The following CXADR variants were observed in gnomAD, a reference collection of about 807,000 sequenced individuals.
CXADR encodes coxsackievirus and adenovirus receptor.
In CXADR, 20 loss-of-function variants were observed where a neutral mutation model predicts 40.3. The ratio of observed to expected loss-of-function variants is 0.50; its 90% confidence interval spans 0.35 to 0.72. The LOEUF is 0.72. Among genes scored for constraint, CXADR ranks in the 30% least tolerant of loss-of-function variants. The pLI is 0.01. For synonymous variants in CXADR, 150 were observed against 161.3 expected (o/e 0.93, Z 0.53); for missense variants, 332 against 449.1 (o/e 0.74, Z 2.36).
In CXADR at chr21:17,589,831, G is replaced by C. The variant is rs538747656; in HGVS notation, c.1018-3321G>C. On this transcript the variant is annotated intron_variant, in intron 7 of 7. Coordinates refer to the CXADR transcript ENST00000400169. ...CTTGATCAAGGGATATATACTTCAA[G>C]AAGGTGTAACTGCCCTCCTCTTTAA... Among the ~76,000 whole-genome samples the C allele has an allele frequency of 9.2e-5, 14 of 152,152 alleles. No homozygotes were observed. In the South Asian group the frequency reaches 2.5e-3, roughly 27 times the overall value.
At chr21:17,518,491 C>T in intron 1 of CXADR, 4 of 805,982 alleles carry the variant, frequency 5.0e-6, no homozygotes, top group South Asian at 1.4e-5. Context: ...CTGATTTGTT[C>T]AATCTAGTCC....
chr21:17,598,510 A>G (rs2061531968), downstream of CXADR: 2 of 914,862 alleles, frequency 2.2e-6, no homozygotes, highest in Non-Finnish European at 3.3e-6. Flanking sequence ...AAGAACTATT[A>G]TCCAGAATCT....
At chr21:17,612,786 C>G in the CXADR span, 1 of 152,236 alleles carries the variant, frequency 6.6e-6, no homozygotes, top group Non-Finnish European at 1.5e-5. Flanking sequence ...CTCAACGGGC[C>G]CGCGCTGGGC....
chr21:17,634,619 G>T, the CXADR span, among the ~76,000 whole-genome samples: 1 of 152,244 alleles, frequency 6.6e-6, no homozygotes, highest in South Asian at 2.1e-4. Flanking sequence ...AAATAATGGT[G>T]GTATTCCATG....
the CXADR span, among the ~76,000 whole-genome samples, chr21:17,602,220 C>A: frequency 1.3e-5 from 2 of 151,930 alleles, no homozygotes; most frequent in Non-Finnish European, 2.9e-5. Flanking sequence ...CTCAGAACTT[C>A]TCATCATAGG....
chr21:17,608,250 A>G, the CXADR span, among the ~76,000 whole-genome samples: 1 of 152,148 alleles, frequency 6.6e-6, no homozygotes, highest in Admixed American at 6.5e-5. Flanking sequence ...GCACATGTCT[A>G]TAATCCTAGC....
chr21:17,589,187 A>G (rs1380466869), intron 7 of CXADR, among the ~76,000 whole-genome samples: 6 of 152,052 alleles, frequency 3.9e-5, no homozygotes, highest in African/African-American at 1.2e-4. Context: ...GAAACTATGC[A>G]CTATTGCTAC....
the CXADR span, chr21:17,599,052 C>G: frequency 2.6e-6 from 1 of 388,706 alleles, no homozygotes; most frequent in East Asian, 3.8e-5. Flanking sequence ...ACCCCATTTT[C>G]TTTCCCTTAT....
At chr21:17,571,787 C>T (rs1456094230), downstream of CXADR, among the ~76,000 whole-genome samples, 3 of 152,120 alleles carry the variant, frequency 2.0e-5, no homozygotes, top group East Asian at 1.9e-4. Context: ...ATTAGGTTTT[C>T]CAAATTTGGG....
chr21:17,538,991 A>T (rs1456937194), intron 1 of CXADR, among the ~76,000 whole-genome samples: 1 of 152,190 alleles, frequency 6.6e-6, no homozygotes, highest in Non-Finnish European at 1.5e-5. Flanking sequence ...TTTGGAATGT[A>T]TTAAAGAGGA....
At position 17,582,334 on chromosome 21, in the gene CXADR, A is replaced by C. The variant is rs546639932; in HGVS notation, c.1018-10818A>C. 3.9e-5 allele frequency among the ~76,000 whole-genome samples: 6 copies of C among 152,220 alleles called. No individual in the cohort carries two copies. In the East Asian group the frequency reaches 9.7e-4, roughly 25 times the overall value. On this transcript the variant is annotated intron_variant, in intron 7 of 7. Coordinates refer to the CXADR transcript ENST00000400169. ...GCTGGAGGAGCTTTTAAATATTAAT[A>C]ATATTAGTTCTTTGTGATTTGACCC...
At chr21:17,570,304 G>A (rs996683537), downstream of CXADR, among the ~76,000 whole-genome samples, 4 of 152,104 alleles carry the variant, frequency 2.6e-5, no homozygotes, top group African/African-American at 9.7e-5. Context: ...CCATTCCTGT[G>A]TGCTTATATA....
chr21:17,528,012 A>G (rs1365065351), intron 1 of CXADR, among the ~76,000 whole-genome samples: 1 of 150,578 alleles, frequency 6.6e-6, no homozygotes, highest in Non-Finnish European at 1.5e-5. Flanking sequence ...AAATACAGTG[A>G]AAGGTATTTT....
chr21:17,519,976 TACACAC>T lies in CXADR; in HGVS notation c.43+6815_43+6820del, dbSNP rs71966376. 8.0e-5 allele frequency among the ~76,000 whole-genome samples: 12 copies of T among 150,134 alleles called. No individual in the cohort carries two copies. The South Asian group carries it at 2.3e-3, about 29-fold the overall frequency. Reference sequence around the variant, plus strand: ...TCCATCTCAAAATAAATTATATGTATACACACACACACACACGCACGCACATGCACA... The same window carrying T: ...TCCATCTCAAAATAAATTATATGTATACACACACACGCACGCACATGCACA... On this transcript the variant is annotated intron_variant, in intron 1 of 6. Transcript: ENST00000284878.
At chr21:17,515,352 A>T (rs1390559902) in intron 1 of CXADR, among the ~76,000 whole-genome samples, 2 of 152,070 alleles carry the variant, frequency 1.3e-5, no homozygotes, top group Non-Finnish European at 2.9e-5. Context: ...GGAGGCTGAG[A>T]TGGGAGGTTT....
intron 1 of CXADR, among the ~76,000 whole-genome samples, chr21:17,525,352 C>G (rs912971834): frequency 6.6e-6 from 1 of 152,106 alleles, no homozygotes; most frequent in African/African-American, 2.4e-5. Context: ...ACTTTCCCAT[C>G]GTTAGATGTG....
chr21:17,601,864 A>T, the CXADR span, among the ~76,000 whole-genome samples: 519 of 152,322 alleles, frequency 3.4e-3, 3 homozygotes, highest in African/African-American at 0.012. Context: ...TGATTGAAGG[A>T]TCAGCATTAT....
the CXADR span, chr21:17,612,678 T>C: frequency 4.4e-3 from 674 of 152,638 alleles, 23 homozygotes; most frequent in East Asian, 0.085. Context: ...TGTCTGCCTT[T>C]CCCCGGCCCG....
chr21:17,546,356 A>G (rs2060896749), intron 1 of CXADR, among the ~76,000 whole-genome samples: 1 of 152,188 alleles, frequency 6.6e-6, no homozygotes, highest in African/African-American at 2.4e-5. Flanking sequence ...CCATTCTCAC[A>G]CCGCTATAGA....
Sources: allele counts gnomAD v4.1 joint callset (sites outside exome capture counted in the v4.1 genomes callset), GRCh38; gene constraint gnomAD v4.1.1; transcripts MANE v1.5; gene names NCBI Gene and HGNC (gene_info 2026-07-23, HGNC 2026-07-21).